The following SLC19A3 variants were observed in gnomAD, a reference collection of about 807,000 sequenced individuals.
The protein encoded by SLC19A3 is solute carrier family 19 member 3.
Under a neutral mutation model 40.2 loss-of-function variants are expected in SLC19A3, and 31 were observed. That is an observed-to-expected ratio of 0.77 (90% confidence interval 0.58 to 1.04). The LOEUF is 1.04. Ranked by LOEUF, SLC19A3 falls within the 50% of genes least tolerant of loss-of-function variation. The probability of loss-of-function intolerance (pLI) is 0.00; values close to 1 mark genes in which losing one functional copy is unlikely to be tolerated. For synonymous variants in SLC19A3, 212 were observed against 227.5 expected (o/e 0.93, Z 0.61); for missense variants, 592 against 596.7 (o/e 0.99, Z 0.08).
chr2:227,699,903 A>G (rs1695612055), intron 2 of SLC19A3, among the ~76,000 whole-genome samples: 1 of 151,908 alleles, frequency 6.6e-6, no homozygotes, highest in Non-Finnish European at 1.5e-5. Flanking sequence ...TTTGAGGTGG[A>G]GTCTTGCTCA....
At position 227,703,743 on chromosome 2, in the gene SLC19A3, G is replaced by C. The variant is rs891365806; in HGVS notation, c.-2-1423C>G. Among the ~76,000 whole-genome samples, 1 of 152,150 alleles carries C rather than the reference G, an allele frequency of 6.6e-6. No individual in the cohort carries two copies. Among genetic ancestry groups the C allele is most frequent in the Non-Finnish European group, 1.5e-5 (1 of 68,034 alleles). ...GATCACTGAGGCTTGGTCATCTTCTGAAGAGTGGTCTTGCTGGGGTAGCAT... is the reference window on the plus strand; with the variant it reads ...GATCACTGAGGCTTGGTCATCTTCTCAAGAGTGGTCTTGCTGGGGTAGCAT... On this transcript the variant is annotated intron_variant, in intron 1 of 5. Transcript: ENST00000644224. The surrounding 1 kb of genome is among the most constrained non-coding windows in gnomAD (Gnocchi z 4.7).
chr2:227,699,065 A>C lies in SLC19A3; in HGVS notation c.650T>G (p.Leu217Ter), dbSNP rs1487627565. 6.2e-7 allele frequency: 1 copy of C among 1,614,040 alleles called. No homozygotes were observed. The highest frequency in any genetic ancestry group is 8.5e-7 in the Non-Finnish European group (1 of 1,180,034). ...TGCTTCACCTTCGTGAGTTTCCTCT[A>C]ATACTGGATTCACGCTTGATGACTT... ...IKKSSSVNPV[L>*]EETHEGEAPG... Residue 217 changes from leucine (L) to a stop codon, truncating the protein, a stop_gained, in exon 3 of 6, where the codon TTA becomes TGA. Transcript: ENST00000644224. LOFTEE classifies it high-confidence loss of function.
intron 1 of SLC19A3, among the ~76,000 whole-genome samples, chr2:227,714,070 G>A (rs528971888): frequency 1.3e-5 from 2 of 152,230 alleles, no homozygotes; most frequent in Admixed American, 1.3e-4. Flanking sequence ...ATAGTTATGT[G>A]GGTGTATACA....
In SLC19A3 at chr2:227,695,891, T is replaced by G. The variant is rs2106325855; in HGVS notation, c.1170A>C (p.Ala390=). 6.2e-7 allele frequency: 1 copy of G among 1,613,966 alleles called. No homozygotes were observed. Among genetic ancestry groups the G allele is most frequent in the African/African-American group, 1.3e-5 (1 of 75,036 alleles). The part of the protein sequence containing the change: ...KSSYMLLITI[A]VFQIAVNLNV... ...TAGGAGTGGTTGGTAAAACTTACAC[T>G]GCTATGGTTATAAGAAGCATATAGC... Residue 390 remains alanine, a splice_region_variant and synonymous_variant, in exon 4 of 6, where the codon GCA becomes GCC. Coordinates refer to ENST00000644224, the MANE Select transcript of SLC19A3 (RefSeq NM_025243.4).
intron 4 of SLC19A3, among the ~76,000 whole-genome samples, chr2:227,694,780 C>T (rs1009634527): frequency 6.6e-6 from 1 of 152,186 alleles, no homozygotes; most frequent in Non-Finnish European, 1.5e-5. Flanking sequence ...CTAGATCTGG[C>T]GTGGTGGCTC....
intron 2 of SLC19A3, chr2:227,700,827 C>T (rs1695657187): frequency 1.2e-6 from 1 of 859,288 alleles, no homozygotes; most frequent in South Asian, 1.5e-5. Flanking sequence ...CATGGGATCT[C>T]AATTTTCACA....
chr2:227,702,425 G>T (rs567950715), intron 1 of SLC19A3, 105 bp from the exon 2 acceptor site: 3 of 1,146,712 alleles, frequency 2.6e-6, no homozygotes, highest in East Asian at 5.1e-5. Context: ...ATGGAGGGTC[G>T]CTCTGTTGTC....
At chr2:227,691,908 C>T (rs536992843) in intron 4 of SLC19A3, among the ~76,000 whole-genome samples, 3 of 152,180 alleles carry the variant, frequency 2.0e-5, no homozygotes, top group Admixed American at 1.3e-4. Flanking sequence ...ACCAATACTG[C>T]AGAAATTTAA....
At chr2:227,700,977 CT>C in intron 2 of SLC19A3, 1 of 1,304,264 alleles carries the variant, frequency 7.7e-7, no homozygotes, top group Non-Finnish European at 1.0e-6. Context: ...GACCACACAA[CT>C]GAGCTGCTCC....
Position 227,699,551 on chromosome 2 carries a change from A to G in SLC19A3, c.164T>C (p.Ile55Thr). ...GTAGGAGTATGTCCAAACGGGGAAGATCTCATTTGTTATCTGCAAAGTTGG... is the reference window on the plus strand; with the variant it reads ...GTAGGAGTATGTCCAAACGGGGAAGGTCTCATTTGTTATCTGCAAAGTTGG... ...NLTSAEITNEIFPVWTYSYLV... is the reference protein window; with the variant it reads ...NLTSAEITNETFPVWTYSYLV... Residue 55 changes from isoleucine (I) to threonine (T), a missense_variant, in exon 3 of 6, where the codon ATC (isoleucine) becomes ACC (threonine). By Grantham distance (89) the Ile-to-Thr change is moderately conservative. Transcript: ENST00000644224. 6.2e-7 allele frequency: 1 copy of G among 1,614,110 alleles called. No homozygotes were observed.
intron 1 of SLC19A3, among the ~76,000 whole-genome samples, chr2:227,717,635 G>A (rs1156367933): frequency 1.3e-5 from 2 of 152,166 alleles, no homozygotes; most frequent in African/African-American, 4.8e-5. Context: ...TGCCTTTTCA[G>A]TTAAAATCTG....
At position 227,685,100 on chromosome 2, in the gene SLC19A3, C is replaced by A. The variant is rs2106314802; in HGVS notation, c.*2297G>T. ...TCTCCACTAAGTGAGTGCATTGATT[C>A]TTGGGCTGGATCTTAGTCCAGTGAA... is the stretch of plus-strand genomic sequence containing the variant. On this transcript the variant is annotated 3_prime_UTR_variant, in exon 6 of 6. Coordinates refer to ENST00000644224, the MANE Select transcript of SLC19A3 (RefSeq NM_025243.4). 1 of 150,062 alleles carries A rather than the reference C, an allele frequency of 6.7e-6. No homozygotes were observed. Among genetic ancestry groups the A allele is most frequent in the African/African-American group, 2.4e-5 (1 of 40,988 alleles). The allele number at this position is 150,062 out of a possible 1,614,324, so 9.3% of individuals were successfully genotyped here. A position where few individuals can be genotyped will look rare whatever the true frequency, so the allele number is the denominator to read the frequency against.
intron 1 of SLC19A3, among the ~76,000 whole-genome samples, chr2:227,711,890 A>T (rs547869717): frequency 6.6e-6 from 1 of 151,900 alleles, no homozygotes; most frequent in African/African-American, 2.4e-5. Flanking sequence ...TCTCTACTAA[A>T]AATACAAAAA....
At chr2:227,692,454 A>G (rs1034041803) in intron 4 of SLC19A3, among the ~76,000 whole-genome samples, 1 of 152,244 alleles carries the variant, frequency 6.6e-6, no homozygotes, top group Non-Finnish European at 1.5e-5. Context: ...GACAAAAACT[A>G]TGATCATTCA....
intron 4 of SLC19A3, among the ~76,000 whole-genome samples, chr2:227,689,355 T>G (rs570647757): frequency 6.6e-6 from 1 of 152,236 alleles, no homozygotes; most frequent in South Asian, 2.1e-4. Flanking sequence ...GAAAGGATTC[T>G]AAAAGGAGCA....
At chr2:227,714,703 C>CAAAAAAAAAA in intron 1 of SLC19A3, 1 of 175,148 alleles carries the variant, frequency 5.7e-6, no homozygotes. Context: ...AAATCCCATC[C>CAAAAAAAAAA]AAAAAAAAAA....
At position 227,695,617 on chromosome 2, in the gene SLC19A3, A is replaced by T. The variant is rs571770052; in HGVS notation, c.1172+272T>A. 4.4e-5 allele frequency: 18 copies of T among 411,410 alleles called. No individual in the cohort carries two copies. In the Admixed American group the frequency reaches 4.9e-4, roughly 11 times the overall value. 25.5% of individuals were successfully genotyped at this position (411,410 alleles called of 1,614,324 possible). ...AGCCAGGCCATCTCTCAAACAAAAT[A>T]AAACAAAAAGAAAAACCTGACAATG... On this transcript the variant is annotated intron_variant, in intron 4 of 5. Transcript: ENST00000644224.
intron 1 of SLC19A3, among the ~76,000 whole-genome samples, chr2:227,707,254 A>C (rs755840369): frequency 7.2e-5 from 11 of 152,194 alleles, no homozygotes; most frequent in Non-Finnish European, 1.2e-4. Context: ...TTGCCTTGGA[A>C]CTGATGGGTT....
At chr2:227,717,005 T>A (rs1193510848) in intron 1 of SLC19A3, among the ~76,000 whole-genome samples, 1 of 142,852 alleles carries the variant, frequency 7.0e-6, no homozygotes. Context: ...TTTTTTTTTT[T>A]TTTTTTTTTT....
Sources: gnomAD v4.1 joint callset for allele counts (sites outside exome capture counted in the v4.1 genomes callset) on GRCh38, gnomAD v4.1.1 for gene constraint, Gnocchi (gnomAD v3.1) non-coding constraint, MANE v1.5 for transcripts, NCBI Gene and HGNC (gene_info 2026-07-23, HGNC 2026-07-21) for gene names.